The following CERT1 variants were observed in gnomAD, a reference collection of about 807,000 sequenced individuals.
The protein encoded by CERT1 is ceramide transfer protein.
In CERT1, 31 loss-of-function variants were observed where a neutral mutation model predicts 87.9. That is an observed-to-expected ratio of 0.35 (90% confidence interval 0.27 to 0.48). The LOEUF (loss-of-function observed/expected upper bound fraction) is 0.48. CERT1 is among the 20% of genes least tolerant of loss of function. The pLI is 0.99. For missense variants in CERT1, 487 were observed against 758.0 expected (o/e 0.64, Z 4.20); for synonymous variants, 289 against 250.9 (o/e 1.15, Z -1.44).
chr5:75,422,359 T>C (rs1763418404), intron 5 of CERT1, among the ~76,000 whole-genome samples: 1 of 152,178 alleles, frequency 6.6e-6, no homozygotes, highest in African/African-American at 2.4e-5. Flanking sequence ...CTTATGCCTG[T>C]AATCCCAGCA....
chr5:75,439,014 A>G (rs934981453), intron 3 of CERT1, among the ~76,000 whole-genome samples: 3 of 151,608 alleles, frequency 2.0e-5, no homozygotes, highest in Admixed American at 6.6e-5. Context: ...ATATTTTTCG[A>G]TGTGAAAGCT....
At chr5:75,496,877 G>A (rs188482098) in intron 2 of CERT1, among the ~76,000 whole-genome samples, 1 of 152,232 alleles carries the variant, frequency 6.6e-6, no homozygotes, top group Non-Finnish European at 1.5e-5. Context: ...CTATATGACT[G>A]TATGCATTTG....
At chr5:75,443,280 T>G (rs1764398683) in intron 3 of CERT1, among the ~76,000 whole-genome samples, 1 of 152,208 alleles carries the variant, frequency 6.6e-6, no homozygotes, top group Non-Finnish European at 1.5e-5. Flanking sequence ...TATTTTCCTT[T>G]TTAATTTGTA....
At chr5:75,498,012 T>C (rs975518720) in intron 2 of CERT1, among the ~76,000 whole-genome samples, 2 of 152,134 alleles carry the variant, frequency 1.3e-5, no homozygotes, top group African/African-American at 4.8e-5. Flanking sequence ...CAGGGTGAGG[T>C]GGCCTCAGAT....
intron 2 of CERT1, among the ~76,000 whole-genome samples, chr5:75,499,132 G>A (rs1767222940): frequency 6.6e-6 from 1 of 152,196 alleles, no homozygotes; most frequent in Admixed American, 6.5e-5. Context: ...TATCTAAGAA[G>A]GAACTAACTT....
At position 75,379,085 on chromosome 5, in the gene CERT1, AG is replaced by A. The variant is rs767084990; in HGVS notation, c.*260del. On this transcript the variant is annotated 3_prime_UTR_variant, in exon 17 of 17. Transcript: ENST00000643780. Reference sequence around the variant, plus strand: ...GGACTCCCAGCTACTGGGAAGGCTGAGATGAGAGGATTGTTTGAGGCCAGAG... The same window carrying A: ...GGACTCCCAGCTACTGGGAAGGCTGAATGAGAGGATTGTTTGAGGCCAGAG... 2.8e-5 allele frequency: 9 copies of A among 324,582 alleles called. No homozygotes were observed. The highest frequency in any genetic ancestry group is 4.5e-5 in the Non-Finnish European group (8 of 176,652). 20.1% of individuals were successfully genotyped at this position (324,582 alleles called of 1,614,324 possible).
chr5:75,502,299 T>C (rs1287663115), intron 2 of CERT1, among the ~76,000 whole-genome samples: 1 of 152,170 alleles, frequency 6.6e-6, no homozygotes, highest in Non-Finnish European at 1.5e-5. Flanking sequence ...CAAACCCAAC[T>C]TCCTCAATAC....
At chr5:75,396,268 T>C (rs201854805) in intron 11 of CERT1, among the ~76,000 whole-genome samples, 1 of 152,346 alleles carries the variant, frequency 6.6e-6, no homozygotes, top group African/African-American at 2.4e-5. Flanking sequence ...TTGGAGTAAG[T>C]AAGAATTGAT....
chr5:75,404,176 T>C (rs976241306), intron 8 of CERT1, among the ~76,000 whole-genome samples: 7 of 151,426 alleles, frequency 4.6e-5, no homozygotes, highest in African/African-American at 1.7e-4. Context: ...GGAACTACAC[T>C]GGAAGGGTGG....
chr5:75,505,024 T>C (rs759635227), intron 2 of CERT1, among the ~76,000 whole-genome samples: 2 of 152,160 alleles, frequency 1.3e-5, no homozygotes, highest in Admixed American at 1.3e-4. Flanking sequence ...CGGTGGCTCA[T>C]GCCTGTAATC....
intron 2 of CERT1, among the ~76,000 whole-genome samples, chr5:75,460,558 T>C (rs1457156084): frequency 1.3e-5 from 2 of 152,230 alleles, no homozygotes; most frequent in African/African-American, 4.8e-5. Flanking sequence ...ATACATCACA[T>C]TTACCACCTC....
chr5:75,443,286 T>C (rs2112252190), intron 3 of CERT1, among the ~76,000 whole-genome samples: 1 of 152,310 alleles, frequency 6.6e-6, no homozygotes, highest in South Asian at 2.1e-4. Flanking sequence ...CCTTTTTAAT[T>C]TGTAAAGCTA....
rs1015706626 is a variant in CERT1 at position 75,425,310 on chromosome 5, T to C, written c.595+51A>G. 2.6e-6 allele frequency: 4 copies of C among 1,557,034 alleles called. No individual in the cohort carries two copies. In the African/African-American group the frequency reaches 4.1e-5, roughly 16 times the overall value. ...ACATTACCCTTTGAGATCAAGAGGC[T>C]TTTAATCCATTCATTCTCCAAGTAA... On this transcript the variant is annotated intron_variant, in intron 5 of 16. Coordinates refer to ENST00000643780, the MANE Select transcript of CERT1 (RefSeq NM_001379029.1).
At chr5:75,443,699 T>G (rs1012958959) in intron 3 of CERT1, among the ~76,000 whole-genome samples, 1 of 152,212 alleles carries the variant, frequency 6.6e-6, no homozygotes, top group Non-Finnish European at 1.5e-5. Context: ...TATATTGTGT[T>G]AAGTTCTCTG....
At chr5:75,457,746 T>C (rs952362167) in intron 3 of CERT1, among the ~76,000 whole-genome samples, 3 of 151,972 alleles carry the variant, frequency 2.0e-5, no homozygotes, top group South Asian at 4.1e-4. Context: ...GACTGGTTTT[T>C]CTTGGGTGTG....
chr5:75,392,219 T>A (rs1171496947), intron 11 of CERT1, among the ~76,000 whole-genome samples: 1 of 152,214 alleles, frequency 6.6e-6, no homozygotes, highest in Non-Finnish European at 1.5e-5. Context: ...CAAAAAATGC[T>A]GTTCCTTCAA....
intron 3 of CERT1, among the ~76,000 whole-genome samples, chr5:75,448,285 A>G (rs756852287): frequency 2.0e-5 from 3 of 152,230 alleles, no homozygotes; most frequent in Admixed American, 6.5e-5. Context: ...CTGAACAGCA[A>G]TATAAGCATT....
At position 75,410,022 on chromosome 5, in the gene CERT1, C is replaced by G. The variant is rs946543679; in HGVS notation, c.930+989G>C. On this transcript the variant is annotated intron_variant, in intron 8 of 16. Coordinates refer to ENST00000643780, the MANE Select transcript of CERT1 (RefSeq NM_001379029.1). ...GTCTTGCTATGCTGTCCAGGTTGGT[C>G]TTGAACTCCTGGCCTCAAGCAATCC... is the stretch of plus-strand genomic sequence containing the variant. Among the ~76,000 whole-genome samples the G allele has an allele frequency of 2.0e-5, 3 of 152,140 alleles. No homozygotes were observed. In the South Asian group the frequency reaches 6.2e-4, roughly 32 times the overall value.
At chr5:75,420,745 G>C (rs1424491924) in intron 5 of CERT1, among the ~76,000 whole-genome samples, 1 of 151,918 alleles carries the variant, frequency 6.6e-6, no homozygotes, top group Non-Finnish European at 1.5e-5. Flanking sequence ...TCTGTACTAC[G>C]CATTCCACTC....
Sources: gnomAD v4.1 joint callset for allele counts (sites outside exome capture counted in the v4.1 genomes callset) on GRCh38, gnomAD v4.1.1 for gene constraint, MANE v1.5 for transcripts, NCBI Gene and HGNC (gene_info 2026-07-23, HGNC 2026-07-21) for gene names.